The following PLEKHN1 variants were observed in gnomAD, a reference collection of about 807,000 sequenced individuals.
The protein encoded by PLEKHN1 is pleckstrin homology domain-containing family N member 1.
In PLEKHN1, 68 loss-of-function variants were observed where a neutral mutation model predicts 72.8. That is an observed-to-expected ratio of 0.93 (90% CI 0.77 to 1.14). The LOEUF (loss-of-function observed/expected upper bound fraction) is 1.14. PLEKHN1 is among the 50% of genes most tolerant of loss of function. The pLI is 0.00. For missense variants in PLEKHN1, 1,015 were observed against 840.5 expected, an observed-to-expected ratio of 1.21 and a Z score of -2.57; for synonymous variants, 454 against 371.6, an observed-to-expected ratio of 1.22 and a Z score of -2.55.
intron 11 of PLEKHN1, 88 bp downstream of exon 11, chr1:973,098 C>A: frequency 6.6e-7 from 1 of 1,511,106 alleles, no homozygotes. Context: ...CAGGGGAACT[C>A]AGACTGGAGG....
chr1:973,208 C>T lies in PLEKHN1; in HGVS notation c.1175C>T (p.Ala392Val). 6.5e-7 allele frequency: 1 copy of T among 1,536,188 alleles called. No homozygotes were observed. ...HTPDQANSDR[A>V]SIGRRRTELR... ...CAGGACCAGGCCAACTCTGACCGTG[C>T]CAGCATTGGCCGACGGAGGACCGAG... Residue 392 changes from alanine to valine, a missense_variant, in exon 12 of 16, where the codon GCC becomes GTC. By Grantham distance (64) the Ala-to-Val change is moderately conservative (BLOSUM62 0). Coordinates refer to ENST00000379410, the MANE Select transcript of PLEKHN1 (RefSeq NM_032129.3).
intron 10 of PLEKHN1, 150 bp downstream of exon 10, chr1:972,574 T>G: frequency 9.2e-7 from 1 of 1,088,850 alleles, no homozygotes; most frequent in Non-Finnish European, 1.3e-6. Context: ...GAGATCAGCC[T>G]GACCGACGTG....
chr1:967,741 CAGA>C (rs1643087208), intron 2 of PLEKHN1, among the ~76,000 whole-genome samples: 1 of 152,186 alleles, frequency 6.6e-6, no homozygotes, highest in Admixed American at 6.5e-5. Flanking sequence ...CACGCTGCCT[CAGA>C]GGAGTGGGCA....
At chr1:966,977 C>G (rs1490930562) in intron 2 of PLEKHN1, among the ~76,000 whole-genome samples, 174 bp downstream of exon 2, 1 of 152,242 alleles carries the variant, frequency 6.6e-6, no homozygotes, top group Non-Finnish European at 1.5e-5. Context: ...GGCCGAAAGT[C>G]TGAGCGGAGA....
rs749016737 is a variant in PLEKHN1 at position 974,024 on chromosome 1, G to A, written c.1626G>A (p.Gly542=). Residue 542 remains glycine (G), a synonymous_variant, in exon 14 of 16, where the codon GGG becomes GGA. Coordinates refer to ENST00000379410, the MANE Select transcript of PLEKHN1 (RefSeq NM_032129.3). The stretch of plus-strand genomic sequence containing the variant: ...ACCGGGGCTCAGCCAAGGATGGGGG[G>A]CCGCAGCCCCCAGACGCCCCTCAGC... ...QRHRGSAKDG[G]PQPPDAPQLV... is the part of the protein sequence containing the mutation. The A allele has an allele frequency of 4.8e-5, 77 of 1,597,574 alleles. No homozygotes were observed. In the East Asian group the frequency reaches 1.6e-3, roughly 34 times the overall value.
chr1:975,664 A>C lies in PLEKHN1; in HGVS notation c.*1089A>C. On this transcript the variant is annotated 3_prime_UTR_variant, in exon 16 of 16. Transcript: ENST00000379410. ...CAGCCCACCTGTGAGGAGGCTGCCC[A>C]TCCCCTCTTTGAGGCCACCCTGTGT... The C allele has an allele frequency of 6.4e-6, 1 of 155,618 alleles. No homozygotes were observed. The allele number at this position is 155,618 out of a possible 1,614,324, so 9.6% of individuals were successfully genotyped here.
In PLEKHN1 at chr1:973,889, G is replaced by A. The variant is rs376666974; in HGVS notation, c.1491G>A (p.Ser497=). ...RGPTPSSPLP[S]VPVSVPASDP... ...CCACGCCCTCGAGCCCACTCCCCTC[G>A]GTGCCTGTGTCTGTGCCTGCCTCTG... Residue 497 remains serine, a synonymous_variant, in exon 14 of 16, where the codon TCG becomes TCA. Coordinates refer to ENST00000379410, the MANE Select transcript of PLEKHN1 (RefSeq NM_032129.3). 37 of 1,611,008 alleles carry A rather than the reference G, an allele frequency of 2.3e-5. No individual in the cohort carries two copies. The highest frequency in any genetic ancestry group is 2.9e-5 in the Non-Finnish European group (34 of 1,179,924).
intron 2 of PLEKHN1, among the ~76,000 whole-genome samples, chr1:967,372 G>GCC (rs1365956981): frequency 1.6e-3 from 31 of 19,818 alleles, no homozygotes; most frequent in Admixed American, 5.6e-3. Flanking sequence ...CCACCCCCAT[G>GCC]CCCACCCCCC....
chr1:972,387 C>T lies in PLEKHN1; in HGVS notation c.965C>T (p.Pro322Leu), dbSNP rs113505147. The T allele has an allele frequency of 9.4e-6, 15 of 1,587,776 alleles. No individual in the cohort carries two copies. Among genetic ancestry groups the T allele is most frequent in the African/African-American group, 4.0e-5 (3 of 74,648 alleles). The change falls in exon 10 of 16, where the codon CCG becomes CTG. Residue 322 changes from proline (P) to leucine (L), a missense_variant. Physicochemically the swap from Pro to Leu is moderately conservative, Grantham distance 98 (BLOSUM62 -3). Coordinates refer to ENST00000379410, the MANE Select transcript of PLEKHN1 (RefSeq NM_032129.3). ...LRAVTHREGA[P>L]PLPGAESFPG... ...GCTGTCACCCACAGGGAGGGGGCCC[C>T]GCCGCTGCCTGGTGCCGAGAGCTTC...
At position 974,308 on chromosome 1, in the gene PLEKHN1, G is replaced by C; in HGVS notation, c.1654-8G>C. On this transcript the variant is annotated splice_region_variant and splice_polypyrimidine_tract_variant and intron_variant, in intron 14 of 15. Transcript: ENST00000379410. ...CCCGGCTCTCAGACTTGCGGTTTGGGGTTCCAGGTCTCCTCTGCCAGGGAA... is the reference window on the plus strand; with the variant it reads ...CCCGGCTCTCAGACTTGCGGTTTGGCGTTCCAGGTCTCCTCTGCCAGGGAA... 1 of 1,612,944 alleles carries C rather than the reference G, an allele frequency of 6.2e-7. No homozygotes were observed. Among genetic ancestry groups the C allele is most frequent in the Non-Finnish European group, 8.5e-7 (1 of 1,180,004 alleles).
intron 2 of PLEKHN1, among the ~76,000 whole-genome samples, chr1:967,381 C>T (rs983754841): frequency 6.6e-6 from 1 of 151,808 alleles, no homozygotes; most frequent in Non-Finnish European, 1.5e-5. Flanking sequence ...TGCCCACCCC[C>T]CCCCCAGCCC....
chr1:973,578 G>A lies in PLEKHN1; in HGVS notation c.1372G>A (p.Asp458Asn), dbSNP rs1349045521. The A allele has an allele frequency of 8.7e-6, 14 of 1,613,162 alleles. No individual in the cohort carries two copies. The highest frequency in any genetic ancestry group is 1.6e-4 in the Middle Eastern group (1 of 6,082). Residue 458 changes from aspartate to asparagine, a missense_variant, in exon 13 of 16, where the codon GAC becomes AAC. Physicochemically the swap from Asp to Asn is conservative, Grantham distance 23. Coordinates refer to ENST00000379410, the MANE Select transcript of PLEKHN1 (RefSeq NM_032129.3). ...AACATCACACTCGCCCCTCTATGCC[G>A]ACCCCTACACACCACCCGCCACCTC... Reference protein sequence around the residue: ...SETSHSPLYADPYTPPATSHR... With the variant: ...SETSHSPLYANPYTPPATSHR...
Position 974,720 on chromosome 1 carries a change from T to A in PLEKHN1, c.*145T>A. The A allele has an allele frequency of 1.1e-6, 1 of 947,896 alleles. No individual in the cohort carries two copies. The allele number at this position is 947,896 out of a possible 1,614,324, so 58.7% of individuals were successfully genotyped here. On this transcript the variant is annotated 3_prime_UTR_variant, in exon 16 of 16. Coordinates refer to ENST00000379410, the MANE Select transcript of PLEKHN1 (RefSeq NM_032129.3). The stretch of plus-strand genomic sequence containing the variant: ...GGGCCCTGAGTTCAGAGCCCGTCCC[T>A]CAGCTCCTGTTCCTTGGTGCCAGCA...
Position 970,434 on chromosome 1 carries a change from G to C in PLEKHN1, c.330+11G>C. 6.2e-7 allele frequency: 1 copy of C among 1,613,216 alleles called. No homozygotes were observed. Among genetic ancestry groups the C allele is most frequent in the Admixed American group, 1.7e-5 (1 of 60,008 alleles). Reference sequence around the variant, plus strand: ...TTCCAGCACAGCCAGGTGGGGGCCGGGCTGGGTGGAGCACGCTAAGGGTGC... The same window carrying C: ...TTCCAGCACAGCCAGGTGGGGGCCGCGCTGGGTGGAGCACGCTAAGGGTGC... On this transcript the variant is annotated intron_variant, in intron 3 of 15. Transcript: ENST00000379410. The surrounding 1 kb of genome is among the most constrained non-coding windows in gnomAD (Gnocchi z 4.2).
chr1:970,579 G>C lies in PLEKHN1; in HGVS notation c.389G>C (p.Gly130Ala). ...GCCCACCTGTACTTCCAGGCCCACGGCTCGGAAGGACTCACATTTCAGGTG... is the reference window on the plus strand; with the variant it reads ...GCCCACCTGTACTTCCAGGCCCACGCCTCGGAAGGACTCACATTTCAGGTG... ...FPAHLYFQAH[G>A]SEGLTFQGLL... Residue 130 changes from glycine (G) to alanine (A), a missense_variant, in exon 4 of 16, where the codon GGC (glycine) becomes GCC (alanine). Transcript: ENST00000379410. The surrounding 1 kb of genome is among the most constrained non-coding windows in gnomAD (Gnocchi z 4.2). 1 of 1,612,906 alleles carries C rather than the reference G, an allele frequency of 6.2e-7. No homozygotes were observed. The highest frequency in any genetic ancestry group is 1.3e-5 in the African/African-American group (1 of 75,016).
At position 975,742 on chromosome 1, in the gene PLEKHN1, C is replaced by T. The variant is rs987719246; in HGVS notation, c.*1167C>T. On this transcript the variant is annotated 3_prime_UTR_variant, in exon 16 of 16. Transcript: ENST00000379410. The stretch of plus-strand genomic sequence containing the variant: ...CAGCCGGAGTGTCTTGCTGCTCAGA[C>T]CCCTCCGAGGTCCAAGTCCTGTCCT... 8.1e-5 allele frequency: 14 copies of T among 172,644 alleles called. No homozygotes were observed. The highest frequency in any genetic ancestry group is 5.8e-4 in the Admixed American group (10 of 17,286). 10.7% of individuals were successfully genotyped at this position (172,644 alleles called of 1,614,324 possible).
chr1:972,643 C>A (rs1328375646), intron 10 of PLEKHN1, among the ~76,000 whole-genome samples: 1 of 152,192 alleles, frequency 6.6e-6, no homozygotes, highest in Non-Finnish European at 1.5e-5. Context: ...CGGTACATCC[C>A]TGTAACCCCA....
At chr1:971,589 C>G in intron 8 of PLEKHN1, 185 bp downstream of exon 8, 2 of 633,418 alleles carry the variant, frequency 3.2e-6, no homozygotes, top group East Asian at 2.7e-5. Flanking sequence ...CCTGCCCGCC[C>G]TGAGGTTCTC....
chr1:969,491 T>C (rs1270141438), intron 2 of PLEKHN1, among the ~76,000 whole-genome samples: 3 of 145,628 alleles, frequency 2.1e-5, no homozygotes, highest in Non-Finnish European at 4.4e-5. Context: ...TGCATGCATG[T>C]GTGTGCATGT....
Sources: allele counts gnomAD v4.1 joint callset (sites outside exome capture counted in the v4.1 genomes callset), GRCh38; gene constraint gnomAD v4.1.1; non-coding constraint Gnocchi (gnomAD v3.1); transcripts MANE v1.5; gene names NCBI Gene and HGNC (gene_info 2026-07-23, HGNC 2026-07-21).